CMSS1: variants seen among roughly 807,000 people sequenced by gnomAD.
CMSS1 encodes the protein cms1 ribosomal small subunit homolog, also known as protein CMSS1.
CMSS1 carries 33 observed loss-of-function variants against 43.5 expected under a neutral mutation model. The observed-to-expected ratio is 0.76, with a 90% CI of 0.57 to 1.01. The LOEUF (loss-of-function observed/expected upper bound fraction) is 1.01, where lower values mean the gene tolerates loss of function less well. Ranked by LOEUF, CMSS1 falls within the 50% of genes least tolerant of loss-of-function variation. The pLI is 0.00. For synonymous variants in CMSS1, 115 were observed against 117.2 expected, an observed-to-expected ratio of 0.98 and a Z score of 0.12; for missense variants, 313 against 326.4, an observed-to-expected ratio of 0.96 and a Z score of 0.32.
intron 1 of CMSS1, among the ~76,000 whole-genome samples, chr3:100,061,530 AAAG>A (rs781130611): frequency 1.4e-4 from 22 of 152,226 alleles, no homozygotes; most frequent in Non-Finnish European, 2.8e-4. Context: ...CAGAGAATGA[AAAG>A]AAGAAGAGAA....
intron 1 of CMSS1, among the ~76,000 whole-genome samples, chr3:100,099,272 A>G (rs1202594174): frequency 1.3e-5 from 2 of 152,240 alleles, no homozygotes; most frequent in Non-Finnish European, 2.9e-5. Context: ...ATAACATTAC[A>G]TAGTTCCTTT....
intron 1 of CMSS1, among the ~76,000 whole-genome samples, chr3:99,869,949 C>A (rs972938172): frequency 6.6e-6 from 1 of 152,202 alleles, no homozygotes; most frequent in Admixed American, 6.5e-5. Flanking sequence ...GGAGCTCTCA[C>A]AGGCCCAAGT....
At chr3:99,835,971 T>C (rs1479805621) in intron 1 of CMSS1, among the ~76,000 whole-genome samples, 2 of 152,076 alleles carry the variant, frequency 1.3e-5, no homozygotes, top group Non-Finnish European at 2.9e-5. Flanking sequence ...GGATAGTTAG[T>C]ATGGTGTCCT....
At chr3:99,933,548 A>G (rs1244474302) in intron 1 of CMSS1, among the ~76,000 whole-genome samples, 1 of 152,210 alleles carries the variant, frequency 6.6e-6, no homozygotes, top group African/African-American at 2.4e-5. Context: ...AAAATTATAC[A>G]TAAACAGGAT....
chr3:99,995,981 G>A (rs950014789), intron 1 of CMSS1, among the ~76,000 whole-genome samples: 3 of 152,320 alleles, frequency 2.0e-5, no homozygotes, highest in South Asian at 2.1e-4. Context: ...CCATTGTCTT[G>A]GTGATTAACA....
intron 1 of CMSS1, among the ~76,000 whole-genome samples, chr3:99,915,079 A>G (rs1451712986): frequency 6.6e-6 from 1 of 152,148 alleles, no homozygotes; most frequent in Non-Finnish European, 1.5e-5. Flanking sequence ...TGATAAGGGC[A>G]CCATATGCTC....
intron 1 of CMSS1, among the ~76,000 whole-genome samples, chr3:99,980,779 AC>A (rs1432800488): frequency 1.3e-5 from 2 of 152,090 alleles, no homozygotes; most frequent in African/African-American, 4.8e-5. Flanking sequence ...TACAGGTGTG[AC>A]TTGTTTAAAA....
At chr3:100,122,472 G>A (rs1346379159) in intron 1 of CMSS1, among the ~76,000 whole-genome samples, 2 of 152,200 alleles carry the variant, frequency 1.3e-5, no homozygotes, top group African/African-American at 4.8e-5. Context: ...GAGCCACATG[G>A]CAAAGTGACA....
chr3:99,865,739 C>T (rs1168749866), intron 1 of CMSS1, among the ~76,000 whole-genome samples: 2 of 151,652 alleles, frequency 1.3e-5, no homozygotes, highest in Non-Finnish European at 2.9e-5. Flanking sequence ...TGACAGACTT[C>T]AAGGGCATAA....
At chr3:99,983,275 T>C (rs1419721356) in intron 1 of CMSS1, among the ~76,000 whole-genome samples, 1 of 150,926 alleles carries the variant, frequency 6.6e-6, no homozygotes, top group East Asian at 1.9e-4. Context: ...GACTCATGCC[T>C]GTAATCCTAA....
At chr3:99,885,644 T>A (rs1211931588) in intron 1 of CMSS1, among the ~76,000 whole-genome samples, 1 of 152,244 alleles carries the variant, frequency 6.6e-6, no homozygotes, top group South Asian at 2.1e-4. Context: ...GCTGACTGAC[T>A]TTTAGTTAAA....
chr3:100,040,375 A>G (rs753481719), intron 1 of CMSS1: 5 of 152,210 alleles, frequency 3.3e-5, no homozygotes, highest in Non-Finnish European at 7.3e-5. Flanking sequence ...TCTCTCCCCG[A>G]GAATCATTTG....
chr3:100,152,192 T>C (rs73144473), intron 2 of CMSS1, among the ~76,000 whole-genome samples: 8,939 of 152,172 alleles, frequency 0.059, 391 homozygotes, highest in South Asian at 0.099. Flanking sequence ...TGTCCTCCAA[T>C]TATCCTTCTT....
intron 1 of CMSS1, chr3:99,925,928 T>A: frequency 7.2e-6 from 7 of 977,122 alleles, no homozygotes; most frequent in Non-Finnish European, 8.5e-6. Context: ...CAGAAAAACA[T>A]GTTGGCAAGA....
intron 1 of CMSS1, among the ~76,000 whole-genome samples, chr3:99,820,580 G>T (rs1942417128): frequency 6.6e-6 from 1 of 152,206 alleles, no homozygotes; most frequent in Admixed American, 6.5e-5. Flanking sequence ...GTAAGTATAT[G>T]CCTTTATTTG....
At chr3:99,834,018 T>C (rs1387276149) in intron 1 of CMSS1, among the ~76,000 whole-genome samples, 1 of 152,266 alleles carries the variant, frequency 6.6e-6, no homozygotes, top group Non-Finnish European at 1.5e-5. Flanking sequence ...TGCCTTCTTT[T>C]CTTTTGTCTT....
At chr3:100,027,235 A>G (rs978686244) in intron 1 of CMSS1, among the ~76,000 whole-genome samples, 6 of 152,106 alleles carry the variant, frequency 3.9e-5, no homozygotes, top group African/African-American at 1.4e-4. Flanking sequence ...TGTTTTCTGC[A>G]CTAGAATGTA....
intron 1 of CMSS1, among the ~76,000 whole-genome samples, chr3:99,866,566 C>CG (rs1944533636): frequency 1.3e-5 from 2 of 152,092 alleles, no homozygotes; most frequent in African/African-American, 2.4e-5. Flanking sequence ...TGTCATAAAT[C>CG]AGTAAACAAG....
At chr3:99,974,486 G>A (rs1176308487) in intron 1 of CMSS1, among the ~76,000 whole-genome samples, 1 of 152,140 alleles carries the variant, frequency 6.6e-6, no homozygotes, top group Non-Finnish European at 1.5e-5. Flanking sequence ...GAGGCAGGTG[G>A]ATCACCTGAG....
Sources: allele counts gnomAD v4.1 joint callset (sites outside exome capture counted in the v4.1 genomes callset), GRCh38; gene constraint gnomAD v4.1.1; transcripts MANE v1.5; gene names NCBI Gene and HGNC (gene_info 2026-07-23, HGNC 2026-07-21).